Variants in NBEAL1 observed in about 807,000 individuals in gnomAD.
The protein encoded by NBEAL1 is neurobeachin-like protein 1.
Under a neutral mutation model 351.3 loss-of-function variants are expected in NBEAL1, and 273 were observed. That is an observed-to-expected ratio of 0.78 (90% confidence interval 0.70 to 0.86). NBEAL1 has a LOEUF of 0.86. Ranked by LOEUF, NBEAL1 falls within the 40% of genes least tolerant of loss-of-function variation. NBEAL1 has a pLI of 0.00. For synonymous variants in NBEAL1, 1,050 were observed against 1,086.4 expected, an observed-to-expected ratio of 0.97 and a Z score of 0.66; for missense variants, 2,961 against 3,201.3, an observed-to-expected ratio of 0.92 and a Z score of 1.81.
Position 203,039,188 on chromosome 2 carries a change from T to TCC in NBEAL1, c.52-2577_52-2576insCC, listed in dbSNP as rs1445026279. On this transcript the variant is annotated intron_variant, in intron 2 of 55. Coordinates refer to ENST00000683969, the MANE Select transcript of NBEAL1 (RefSeq NM_001378026.1). The stretch of plus-strand genomic sequence containing the variant: ...CCTGTCTTTTTTCTTTCCTTTCCTT[T>TCC]TCTTTCCTTTCCTTTCCTTTCCTTT... Among the ~76,000 whole-genome samples the TCC allele has an allele frequency of 1.2e-4, 10 of 83,700 alleles. 2 individuals carry two copies. The highest frequency in any genetic ancestry group is 1.9e-4 in the African/African-American group (6 of 32,256). The allele number at this position is 83,700 out of a possible 152,430, so 54.9% of individuals were successfully genotyped here.
chr2:203,021,259 G>A (rs2060767805), intron 2 of NBEAL1, among the ~76,000 whole-genome samples: 2 of 151,894 alleles, frequency 1.3e-5, no homozygotes, highest in Non-Finnish European at 2.9e-5. Context: ...TGGGATTACA[G>A]GCGTGAGCCA....
chr2:203,115,029 G>A (rs2062658473), intron 17 of NBEAL1, among the ~76,000 whole-genome samples: 1 of 152,172 alleles, frequency 6.6e-6, no homozygotes, highest in South Asian at 2.1e-4. Context: ...TTGGATTACA[G>A]GCGTGAGCCA....
chr2:203,167,471 G>C, intron 38 of NBEAL1, 111 bp downstream of exon 38: 1 of 1,126,482 alleles, frequency 8.9e-7, no homozygotes, highest in Admixed American at 2.7e-5. Context: ...CAAAATGTTA[G>C]AGGAAAAAAT....
At chr2:203,033,898 T>C (rs1183038921) in intron 2 of NBEAL1, among the ~76,000 whole-genome samples, 1 of 152,022 alleles carries the variant, frequency 6.6e-6, no homozygotes, top group African/African-American at 2.4e-5. Flanking sequence ...TCCCTGAGAG[T>C]ATCTGTTTAT....
intron 31 of NBEAL1, among the ~76,000 whole-genome samples, chr2:203,143,993 C>T (rs1559401509): frequency 6.6e-6 from 1 of 151,844 alleles, no homozygotes; most frequent in Non-Finnish European, 1.5e-5. Context: ...AGGTGGATCA[C>T]GAGGTCAGGA....
chr2:203,142,210 C>G (rs2106330660), intron 31 of NBEAL1, among the ~76,000 whole-genome samples: 1 of 152,296 alleles, frequency 6.6e-6, no homozygotes, highest in African/African-American at 2.4e-5. Flanking sequence ...TGGTGGAGTG[C>G]AGTGGCACAA....
At position 203,218,529 on chromosome 2, in the gene NBEAL1, A is replaced by G. The variant is rs1377563755; in HGVS notation, c.*1175A>G. ...CTTGTGAATCCCTCTGAAATTGTGC[A>G]GAGACTTTGTATGTTAAATGCATTT... On this transcript the variant is annotated 3_prime_UTR_variant, in exon 56 of 56. Coordinates refer to ENST00000683969, the MANE Select transcript of NBEAL1 (RefSeq NM_001378026.1). 1.3e-5 allele frequency: 2 copies of G among 152,182 alleles called. No homozygotes were observed. The highest frequency in any genetic ancestry group is 1.3e-4 in the Admixed American group (2 of 15,280). The allele number at this position is 152,182 out of a possible 1,614,324, so 9.4% of individuals were successfully genotyped here. A position where few individuals can be genotyped will look rare whatever the true frequency, so the allele number is the denominator to read the frequency against.
chr2:203,194,189 G>C (rs149520471), intron 47 of NBEAL1, among the ~76,000 whole-genome samples: 1 of 152,072 alleles, frequency 6.6e-6, no homozygotes, highest in Non-Finnish European at 1.5e-5. Context: ...TGCTTCTTGT[G>C]ACAATCGAGA....
intron 36 of NBEAL1, among the ~76,000 whole-genome samples, chr2:203,162,881 C>T (rs1320220771): frequency 3.3e-5 from 5 of 151,654 alleles, no homozygotes; most frequent in Non-Finnish European, 5.9e-5. Context: ...CAGCCAGGTG[C>T]GGTGGCTCAC....
chr2:203,138,428 A>T, intron 30 of NBEAL1, 113 bp downstream of exon 30: 1 of 1,127,814 alleles, frequency 8.9e-7, no homozygotes, highest in Non-Finnish European at 1.3e-6. Context: ...TTCAATAAAC[A>T]AGGATAAGAT....
intron 16 of NBEAL1, 134 bp downstream of exon 16, chr2:203,112,232 TC>T: frequency 1.2e-6 from 1 of 836,540 alleles, no homozygotes; most frequent in Non-Finnish European, 1.8e-6. Flanking sequence ...GTAGTAAGAC[TC>T]CACACATTAA....
At chr2:203,149,224 C>G (rs574786632) in intron 34 of NBEAL1, 76 bp downstream of exon 34, 3 of 999,002 alleles carry the variant, frequency 3.0e-6, no homozygotes, top group Admixed American at 5.8e-5. Context: ...CAAATGCCCC[C>G]TTTCACTCCA....
intron 44 of NBEAL1, among the ~76,000 whole-genome samples, chr2:203,187,499 G>A (rs538544668): frequency 2.0e-5 from 3 of 149,076 alleles, no homozygotes; most frequent in African/African-American, 7.4e-5. Context: ...CAGCACTTTG[G>A]GAGGCCAAGG....
At position 203,184,074 on chromosome 2, in the gene NBEAL1, TAAAAAAAAAAAA is replaced by T. The variant is rs1170251389; in HGVS notation, c.6705+700_6705+711del. Among the ~76,000 whole-genome samples, 9 of 88,010 alleles carry T rather than the reference TAAAAAAAAAAAA, an allele frequency of 1.0e-4. No individual in the cohort carries two copies. In the South Asian group the frequency reaches 2.4e-3, roughly 24 times the overall value. 57.7% of individuals were successfully genotyped at this position (88,010 alleles called of 152,430 possible). On this transcript the variant is annotated intron_variant, in intron 44 of 55. Transcript: ENST00000683969. ...GCCCAGGCGACAGAGCGAGACTGTC[TAAAAAAAAAAAA>T]AAAAAAAAAAAAAGAAACAAACAAA...
chr2:203,214,284 G>A lies in NBEAL1; in HGVS notation c.8070+631G>A, dbSNP rs148023721. ...GCATTATAAATTTTTTTAAGTCACT[G>A]TTGGTATTTTCTGAGAAATCTAACA... On this transcript the variant is annotated intron_variant, in intron 55 of 55. Coordinates refer to ENST00000683969, the MANE Select transcript of NBEAL1 (RefSeq NM_001378026.1). Among the ~76,000 whole-genome samples, 511 of 152,316 alleles carry A rather than the reference G, an allele frequency of 3.4e-3. 2 individuals are homozygous for A. Among genetic ancestry groups the A allele is most frequent in the Non-Finnish European group, 5.4e-3 (366 of 68,026 alleles).
At chr2:203,183,055 A>G in intron 43 of NBEAL1, 1 of 305,780 alleles carries the variant, frequency 3.3e-6, no homozygotes, top group Non-Finnish European at 6.0e-6. Flanking sequence ...AGTTTCCCCC[A>G]CTTTTTTTGC....
At chr2:203,088,667 A>T (rs1266103411) in intron 10 of NBEAL1, among the ~76,000 whole-genome samples, 1 of 152,198 alleles carries the variant, frequency 6.6e-6, no homozygotes, top group East Asian at 1.9e-4. Context: ...TTGGATATAT[A>T]TTCATATTCC....
intron 48 of NBEAL1, among the ~76,000 whole-genome samples, chr2:203,197,864 G>A (rs577910827): frequency 5.3e-5 from 8 of 151,998 alleles, no homozygotes; most frequent in South Asian, 2.1e-4. Context: ...AGCCAAGATC[G>A]CGCCACTGCA....
intron 51 of NBEAL1, among the ~76,000 whole-genome samples, chr2:203,207,155 C>A: frequency 6.6e-6 from 1 of 151,172 alleles, no homozygotes; most frequent in East Asian, 2.0e-4. Context: ...ACCGCCCTGT[C>A]TGAGAAGTGA....
Sources: allele counts gnomAD v4.1 joint callset (sites outside exome capture counted in the v4.1 genomes callset), GRCh38; gene constraint gnomAD v4.1.1; transcripts MANE v1.5; gene names NCBI Gene and HGNC (gene_info 2026-07-23, HGNC 2026-07-21).